The following PAK5 variants were observed in gnomAD, a reference collection of about 807,000 sequenced individuals.
The protein encoded by PAK5 is p21 (RAC1) activated kinase 5.
PAK5 carries 16 observed loss-of-function variants against 65.9 expected under a neutral mutation model. The observed-to-expected ratio is 0.24, with a 90% confidence interval of 0.16 to 0.37. The LOEUF is 0.37. PAK5 is among the 10% of genes least tolerant of loss of function. PAK5 has a pLI of 1.00. For missense variants in PAK5, 785 were observed against 903.9 expected, an observed-to-expected ratio of 0.87 and a Z score of 1.69; for synonymous variants, 371 against 354.9, an observed-to-expected ratio of 1.05 and a Z score of -0.51.
intron 2 of PAK5, among the ~76,000 whole-genome samples, chr20:9,671,534 C>T (rs2047497972): frequency 6.6e-6 from 1 of 151,852 alleles, no homozygotes; most frequent in African/African-American, 2.4e-5. Flanking sequence ...CTCTTTGAAT[C>T]AATTGTGAAT....
intron 2 of PAK5, among the ~76,000 whole-genome samples, chr20:9,697,553 C>T (rs1256336199): frequency 6.6e-6 from 1 of 152,114 alleles, no homozygotes; most frequent in Non-Finnish European, 1.5e-5. Context: ...CAAGATTCTA[C>T]TCCACTTAAT....
At chr20:9,820,235 A>G (rs2049403767) in intron 1 of PAK5, among the ~76,000 whole-genome samples, 1 of 152,182 alleles carries the variant, frequency 6.6e-6, no homozygotes, top group Non-Finnish European at 1.5e-5. Context: ...CATAATATCA[A>G]CTGTCATGAA....
chr20:9,566,534 A>AC, intron 4 of PAK5, 150 bp from the exon 5 acceptor site: 1 of 727,076 alleles, frequency 1.4e-6, no homozygotes, highest in South Asian at 1.7e-5. Flanking sequence ...GACCGGCCAC[A>AC]CCTAGGGAAG....
At chr20:9,837,276 C>T (rs1979228089) in intron 1 of PAK5, among the ~76,000 whole-genome samples, 1 of 152,160 alleles carries the variant, frequency 6.6e-6, no homozygotes, top group South Asian at 2.1e-4. Context: ...ACATTTATGG[C>T]TTTAATTTAC....
chr20:9,740,470 T>C (rs2048439349), intron 1 of PAK5, among the ~76,000 whole-genome samples: 1 of 152,208 alleles, frequency 6.6e-6, no homozygotes, highest in Non-Finnish European at 1.5e-5. Flanking sequence ...CCTTTTGCCA[T>C]GTAACATTGC....
At chr20:9,553,036 A>AT (rs1888443183) in intron 7 of PAK5, among the ~76,000 whole-genome samples, 1 of 152,024 alleles carries the variant, frequency 6.6e-6, no homozygotes, top group African/African-American at 2.4e-5. Flanking sequence ...CAACTTTTTA[A>AT]TTTTTAAATA....
At chr20:9,779,918 A>G (rs1216810683) in intron 1 of PAK5, among the ~76,000 whole-genome samples, 2 of 152,102 alleles carry the variant, frequency 1.3e-5, no homozygotes, top group African/African-American at 2.4e-5. Flanking sequence ...AATTATGTAT[A>G]ATAATGATTT....
intron 2 of PAK5, among the ~76,000 whole-genome samples, chr20:9,683,387 G>A (rs1262972039): frequency 6.6e-6 from 1 of 152,210 alleles, no homozygotes; most frequent in Non-Finnish European, 1.5e-5. Context: ...AAGTGATGCT[G>A]CCTATTTGCA....
intron 7 of PAK5, among the ~76,000 whole-genome samples, chr20:9,552,728 T>C (rs58454598): frequency 8.1e-5 from 10 of 123,348 alleles, no homozygotes; most frequent in African/African-American, 1.1e-4. Flanking sequence ...TTTTTAGTTT[T>C]TTTTTTTTTT....
intron 3 of PAK5, among the ~76,000 whole-genome samples, chr20:9,581,770 G>A (rs913789540): frequency 6.6e-6 from 1 of 152,290 alleles, no homozygotes; most frequent in African/African-American, 2.4e-5. Context: ...CCCGTCAGCC[G>A]TGCCTTGACA....
chr20:9,826,908 T>C (rs1978327290), intron 1 of PAK5, among the ~76,000 whole-genome samples: 1 of 152,124 alleles, frequency 6.6e-6, no homozygotes, highest in South Asian at 2.1e-4. Context: ...AAATAATTAT[T>C]CTCAATGTTT....
At chr20:9,649,808 C>T (rs1322277453) in intron 2 of PAK5, among the ~76,000 whole-genome samples, 7 of 152,124 alleles carry the variant, frequency 4.6e-5, no homozygotes, top group African/African-American at 1.7e-4. Flanking sequence ...GTGTGTCAGA[C>T]ACTGCTCTAT....
rs568021156 is a variant in PAK5, at chr20:9,818,383, A to G, written c.-162+20379T>C. On this transcript the variant is annotated intron_variant, in intron 1 of 9. Coordinates refer to ENST00000353224, the MANE Select transcript of PAK5 (RefSeq NM_177990.4). ...CATGCTGTGTTCAGAGTTAAGCTCC[A>G]TCTCTGTCCCTCACTGTGAAATCTC... Among the ~76,000 whole-genome samples the G allele has an allele frequency of 6.4e-4, 98 of 152,320 alleles. 1 individual carries two copies. Among genetic ancestry groups the G allele is most frequent in the Non-Finnish European group, 7.4e-5 (5 of 68,024 alleles).
At position 9,810,344 on chromosome 20, in the gene PAK5, G is replaced by A. The variant is rs538219694; in HGVS notation, c.-162+28418C>T. Among the ~76,000 whole-genome samples, 5 of 152,280 alleles carry A rather than the reference G, an allele frequency of 3.3e-5. No homozygotes were observed. In the South Asian group the frequency reaches 1.0e-3, roughly 32 times the overall value. On this transcript the variant is annotated intron_variant, in intron 1 of 9. Transcript: ENST00000353224. ...TCCAGTTACTTTGGGAGGCTGAGGT[G>A]GGAGGATTGCTTGAGCCCAGGAGTT...
chr20:9,553,668 C>T (rs562810892), intron 7 of PAK5, among the ~76,000 whole-genome samples: 24 of 151,794 alleles, frequency 1.6e-4, no homozygotes, highest in African/African-American at 5.5e-4. Flanking sequence ...CCCAAGTTCT[C>T]GTGTGTATCA....
At chr20:9,674,066 C>T (rs1197219448) in intron 2 of PAK5, among the ~76,000 whole-genome samples, 1 of 152,144 alleles carries the variant, frequency 6.6e-6, no homozygotes, top group African/African-American at 2.4e-5. Flanking sequence ...AGACTCTGGG[C>T]TGCATAATGG....
At chr20:9,599,783 C>G (rs1461949603) in intron 3 of PAK5, among the ~76,000 whole-genome samples, 1 of 152,090 alleles carries the variant, frequency 6.6e-6, no homozygotes, top group African/African-American at 2.4e-5. Flanking sequence ...TTATTTGCAA[C>G]TATTTTCTCA....
chr20:9,812,955 T>TA (rs1363777375), intron 1 of PAK5, among the ~76,000 whole-genome samples: 1 of 151,838 alleles, frequency 6.6e-6, no homozygotes, highest in Non-Finnish European at 1.5e-5. Context: ...TAGGTATCCA[T>TA]AAAAAATAAA....
At chr20:9,665,731 C>G (rs2047408325) in intron 2 of PAK5, among the ~76,000 whole-genome samples, 1 of 151,476 alleles carries the variant, frequency 6.6e-6, no homozygotes. Flanking sequence ...TGGCCTCAAG[C>G]AATCCTCCTA....
Sources: allele counts gnomAD v4.1 joint callset (sites outside exome capture counted in the v4.1 genomes callset), GRCh38; gene constraint gnomAD v4.1.1; transcripts MANE v1.5; gene names NCBI Gene and HGNC (gene_info 2026-07-23, HGNC 2026-07-21).